The following IL17RD variants were observed in gnomAD, a reference collection of about 807,000 sequenced individuals.
IL17RD encodes interleukin-17 receptor D.
In IL17RD, 52 loss-of-function variants were observed where a neutral mutation model predicts 80.5. The ratio of observed to expected loss-of-function variants is 0.65; its 90% CI spans 0.52 to 0.81. The LOEUF (loss-of-function observed/expected upper bound fraction) is 0.81, where lower values mean the gene tolerates loss of function less well. Among genes scored for constraint, IL17RD ranks in the 40% least tolerant of loss-of-function variants. The pLI is 0.00. For synonymous variants in IL17RD, 416 were observed against 391.8 expected, an observed-to-expected ratio of 1.06 and a Z score of -0.73; for missense variants, 1,024 against 955.1, an observed-to-expected ratio of 1.07 and a Z score of -0.95.
chr3:57,104,477 C>A, intron 7 of IL17RD, 70 bp from the exon 8 acceptor site: 1 of 1,017,086 alleles, frequency 9.8e-7, no homozygotes, highest in Non-Finnish European at 1.5e-6. Flanking sequence ...CCTCTTCTCC[C>A]CCAGAGCTGA....
chr3:57,154,301 CAT>C (rs1491515659), intron 1 of IL17RD, among the ~76,000 whole-genome samples: 10 of 149,008 alleles, frequency 6.7e-5, no homozygotes, highest in South Asian at 2.1e-4. Context: ...CACACACACA[CAT>C]ACATACACGT....
chr3:57,093,297 C>T lies in IL17RD; in HGVS notation c.*3096G>A, dbSNP rs1313255238. On this transcript the variant is annotated 3_prime_UTR_variant, in exon 13 of 13. Coordinates refer to ENST00000296318, the MANE Select transcript of IL17RD (RefSeq NM_017563.5). ...CTAGTAACCTTCACATTGGCATTGC[C>T]CATTTCTCTTCAATAAAGACAGAAA... The T allele has an allele frequency of 6.6e-6, 1 of 152,120 alleles. No homozygotes were observed. Among genetic ancestry groups the T allele is most frequent in the Non-Finnish European group, 1.5e-5 (1 of 68,012 alleles). The allele number at this position is 152,120 out of a possible 1,614,324, so 9.4% of individuals were successfully genotyped here.
chr3:57,162,348 C>A (rs2060311287), intron 1 of IL17RD, among the ~76,000 whole-genome samples: 1 of 152,258 alleles, frequency 6.6e-6, no homozygotes, highest in Admixed American at 6.5e-5. Context: ...CTCTGATTTG[C>A]ATCACATATA....
intron 1 of IL17RD, among the ~76,000 whole-genome samples, chr3:57,132,438 C>T (rs1023933443): frequency 1.3e-5 from 2 of 151,918 alleles, no homozygotes; most frequent in Non-Finnish European, 2.9e-5. Flanking sequence ...CTAGCCTGGG[C>T]GACAGAGTAA....
upstream of IL17RD, among the ~76,000 whole-genome samples, chr3:57,169,914 C>T (rs1230595493): frequency 1.3e-5 from 2 of 152,162 alleles, no homozygotes; most frequent in African/African-American, 4.8e-5. Context: ...GCGTCATCAT[C>T]CCCACTGCAC....
chr3:57,153,612 G>A (rs1282540673), intron 1 of IL17RD, among the ~76,000 whole-genome samples: 5 of 152,244 alleles, frequency 3.3e-5, no homozygotes, highest in Non-Finnish European at 7.3e-5. Flanking sequence ...TGAGGTAAGT[G>A]TAGCAAAACG....
upstream of IL17RD, among the ~76,000 whole-genome samples, chr3:57,167,360 A>G (rs1262448620): frequency 6.6e-6 from 1 of 152,018 alleles, no homozygotes; most frequent in Non-Finnish European, 1.5e-5. Context: ...ACTCCTTTGG[A>G]GGAGCTGCTG....
chr3:57,149,353 A>G (rs1377213576), intron 1 of IL17RD, among the ~76,000 whole-genome samples: 1 of 151,468 alleles, frequency 6.6e-6, no homozygotes, highest in East Asian at 1.9e-4. Flanking sequence ...CTGCCTGGGC[A>G]GATCTCAGGT....
At chr3:57,125,757 G>A (rs1291487816) in intron 1 of IL17RD, among the ~76,000 whole-genome samples, 2 of 152,220 alleles carry the variant, frequency 1.3e-5, no homozygotes, top group South Asian at 4.1e-4. Context: ...TTCAACAGAT[G>A]GTCAAGGAGG....
chr3:57,110,306 C>T lies in IL17RD; in HGVS notation c.316G>A (p.Glu106Lys), dbSNP rs760765338. The T allele has an allele frequency of 6.3e-7, 1 of 1,595,904 alleles. No homozygotes were observed. The highest frequency in any genetic ancestry group is 8.5e-7 in the Non-Finnish European group (1 of 1,170,394). The change falls in exon 4 of 13, where the codon GAA (glutamate) becomes AAA (lysine). Residue 106 changes from glutamate to lysine, a missense_variant. Physicochemically the swap from Glu to Lys is moderately conservative, Grantham distance 56 (BLOSUM62 1). Transcript: ENST00000296318. ...ILWSPGALGI[E>K]FLKGFRVILE... is the part of the protein sequence containing the mutation. ...ATTACCCGAAATCCTTTCAGGAATT[C>T]GATGCCTAAGCAAAGCAGAATGCTT...
intron 1 of IL17RD, among the ~76,000 whole-genome samples, chr3:57,146,805 T>C (rs1053469948): frequency 2.1e-5 from 3 of 145,204 alleles, no homozygotes; most frequent in Non-Finnish European, 4.5e-5. Flanking sequence ...ATTTCGTGTG[T>C]GTGTGAGAGG....
chr3:57,111,034 G>A (rs1253306850), intron 3 of IL17RD, among the ~76,000 whole-genome samples: 1 of 152,324 alleles, frequency 6.6e-6, no homozygotes, highest in South Asian at 2.1e-4. Context: ...GCTTTCAAAA[G>A]GATTAAGCTC....
chr3:57,104,055 A>G (rs1350423275), intron 8 of IL17RD, among the ~76,000 whole-genome samples: 1 of 152,244 alleles, frequency 6.6e-6, no homozygotes, highest in East Asian at 1.9e-4. Context: ...AATTTAAGCT[A>G]AAATCTTAAA....
At chr3:57,115,397 T>A (rs1872945) in intron 2 of IL17RD, among the ~76,000 whole-genome samples, 98,223 of 151,862 alleles carry the variant, frequency 0.65, 33,123 homozygotes, top group Non-Finnish European at 0.74. Context: ...AAAATTTTTG[T>A]TCTTAGACAC....
At chr3:57,125,538 GGT>G (rs1478003023) in intron 1 of IL17RD, among the ~76,000 whole-genome samples, 12 of 152,232 alleles carry the variant, frequency 7.9e-5, no homozygotes. Context: ...TTCCCAAGAA[GGT>G]TACTGCCTCA....
At chr3:57,163,690 A>C (rs1579328524) in intron 1 of IL17RD, among the ~76,000 whole-genome samples, 1 of 151,832 alleles carries the variant, frequency 6.6e-6, no homozygotes, top group African/African-American at 2.4e-5. Context: ...TTTTTAAACA[A>C]TAAAACAAGA....
rs200960926 is a variant in IL17RD at position 57,146,812 on chromosome 3, G to C, written c.126+18349C>G. On this transcript the variant is annotated intron_variant, in intron 1 of 12. Transcript: ENST00000296318. ...ACGTCAATATTTCGTGTGTGTGTGA[G>C]AGGTATTCTTTTTTTTTTTTTTTTT... Among the ~76,000 whole-genome samples, 34 of 145,048 alleles carry C rather than the reference G, an allele frequency of 2.3e-4. No individual in the cohort carries two copies. The East Asian group carries it at 5.8e-3, about 25-fold the overall frequency.
intron 1 of IL17RD, among the ~76,000 whole-genome samples, chr3:57,145,397 G>C (rs1559483220): frequency 6.6e-6 from 1 of 152,186 alleles, no homozygotes; most frequent in Non-Finnish European, 1.5e-5. Context: ...AAGGCAGATG[G>C]AGACGTGGGC....
intron 1 of IL17RD, among the ~76,000 whole-genome samples, chr3:57,121,467 C>A (rs1707336181): frequency 1.3e-5 from 2 of 152,126 alleles, no homozygotes; most frequent in African/African-American, 4.8e-5. Context: ...CAGAGAGGGG[C>A]ACATGGACAC....
Sources: gnomAD v4.1 joint callset for allele counts (sites outside exome capture counted in the v4.1 genomes callset) on GRCh38, gnomAD v4.1.1 for gene constraint, MANE v1.5 for transcripts, NCBI Gene and HGNC (gene_info 2026-07-23, HGNC 2026-07-21) for gene names.